The following SHISA9 variants were observed in gnomAD, a reference collection of about 807,000 sequenced individuals.
The protein encoded by SHISA9 is protein shisa-9.
In SHISA9, 13 loss-of-function variants were observed where a neutral mutation model predicts 38.0. The observed-to-expected ratio is 0.34, with a 90% CI of 0.22 to 0.54. The LOEUF (loss-of-function observed/expected upper bound fraction) is 0.54. Ranked by LOEUF, SHISA9 falls within the 20% of genes least tolerant of loss-of-function variation. The probability of loss-of-function intolerance (pLI) is 0.91; values close to 1 mark genes in which losing one functional copy is unlikely to be tolerated. For missense variants in SHISA9, 538 were observed against 575.8 expected (o/e 0.93, Z 0.67); for synonymous variants, 275 against 242.0 (o/e 1.14, Z -1.27).
the SHISA9 span, among the ~76,000 whole-genome samples, chr16:13,411,150 C>G: frequency 4.9e-4 from 75 of 152,228 alleles, no homozygotes; most frequent in Non-Finnish European, 8.1e-4. Context: ...AATCTCCTAA[C>G]TTGATGTGGC....
At chr16:13,194,994 T>C (rs1028753532) in intron 2 of SHISA9, among the ~76,000 whole-genome samples, 2 of 152,224 alleles carry the variant, frequency 1.3e-5, no homozygotes, top group Non-Finnish European at 2.9e-5. Context: ...GATGACTTCA[T>C]GCTTAGGTCA....
At chr16:13,266,918 G>T in the SHISA9 span, among the ~76,000 whole-genome samples, 6 of 152,202 alleles carry the variant, frequency 3.9e-5, no homozygotes, top group African/African-American at 1.4e-4. Context: ...TCTTGCATCA[G>T]ATTCAACACT....
At chr16:13,011,319 ATTTTTTT>A (rs55755155) in intron 2 of SHISA9, among the ~76,000 whole-genome samples, 3 of 127,706 alleles carry the variant, frequency 2.3e-5, no homozygotes, top group South Asian at 2.5e-4. Flanking sequence ...ATTAGCACTC[ATTTTTTT>A]TTTTTTTTTT....
At chr16:13,067,155 G>A (rs1382892118) in intron 2 of SHISA9, among the ~76,000 whole-genome samples, 1 of 152,192 alleles carries the variant, frequency 6.6e-6, no homozygotes, top group African/African-American at 2.4e-5. Context: ...GAGACAGAGT[G>A]CATGCTTGAC....
the SHISA9 span, among the ~76,000 whole-genome samples, chr16:13,455,985 G>A: frequency 3.3e-5 from 5 of 152,182 alleles, no homozygotes; most frequent in South Asian, 2.1e-4. Flanking sequence ...GAGATAAAAC[G>A]TGGCTACCTT....
the SHISA9 span, among the ~76,000 whole-genome samples, chr16:13,395,295 A>G: frequency 6.6e-6 from 1 of 152,220 alleles, no homozygotes; most frequent in Non-Finnish European, 1.5e-5. Flanking sequence ...GACTTGGACT[A>G]TACAGTGCTC....
the SHISA9 span, among the ~76,000 whole-genome samples, chr16:13,395,039 C>A: frequency 6.6e-6 from 1 of 151,732 alleles, no homozygotes; most frequent in African/African-American, 2.4e-5. Flanking sequence ...CTAGTGAAAT[C>A]CCAGAAGGGG....
the SHISA9 span, chr16:13,458,326 C>T: frequency 2.1e-5 from 6 of 289,886 alleles, no homozygotes; most frequent in African/African-American, 1.4e-4. Context: ...TGAGACTCCA[C>T]AGGATGAGTC....
At chr16:13,352,699 A>AGCGGGG in the SHISA9 span, among the ~76,000 whole-genome samples, 2 of 6,712 alleles carry the variant, frequency 3.0e-4, no homozygotes, top group African/African-American at 6.9e-4. Context: ...AAGGGAGATA[A>AGCGGGG]GGGGGGGGGG....
the SHISA9 span, among the ~76,000 whole-genome samples, chr16:13,386,350 C>G: frequency 6.6e-6 from 1 of 152,120 alleles, no homozygotes; most frequent in African/African-American, 2.4e-5. Context: ...TCCACCTCAC[C>G]CTGGAAGTGT....
the SHISA9 span, among the ~76,000 whole-genome samples, chr16:13,426,604 AG>A: frequency 1.3e-5 from 2 of 152,198 alleles, no homozygotes; most frequent in African/African-American, 4.8e-5. Flanking sequence ...GATCGTTCGA[AG>A]TAAATAAGTT....
At chr16:12,904,181 C>T (rs570918217) in intron 1 of SHISA9, among the ~76,000 whole-genome samples, 1 of 152,138 alleles carries the variant, frequency 6.6e-6, no homozygotes, top group African/African-American at 2.4e-5. Flanking sequence ...GTTAATTCCC[C>T]GGGTCTGTGT....
At chr16:12,911,279 A>T (rs911511244) in intron 1 of SHISA9, 1 of 985,372 alleles carries the variant, frequency 1.0e-6, no homozygotes, top group Non-Finnish European at 1.2e-6. Context: ...AAGCACTCAA[A>T]CTATGTGCCG....
intron 2 of SHISA9, among the ~76,000 whole-genome samples, chr16:12,980,128 C>T (rs557688687): frequency 6.6e-6 from 1 of 152,070 alleles, no homozygotes; most frequent in Non-Finnish European, 1.5e-5. Context: ...TTTTTATGAT[C>T]TTTTAAAAAT....
the SHISA9 span, among the ~76,000 whole-genome samples, chr16:13,329,132 A>G: frequency 1.3e-5 from 2 of 152,174 alleles, no homozygotes; most frequent in East Asian, 3.8e-4. Context: ...CCCCATTTGC[A>G]TAATAAGATT....
At chr16:13,403,596 A>C in the SHISA9 span, among the ~76,000 whole-genome samples, 4 of 152,234 alleles carry the variant, frequency 2.6e-5, no homozygotes, top group East Asian at 7.7e-4. Context: ...ATAGTAATTC[A>C]AAAGCAGCAC....
At chr16:12,936,142 T>G (rs997433634) in intron 2 of SHISA9, among the ~76,000 whole-genome samples, 13 of 152,124 alleles carry the variant, frequency 8.5e-5, no homozygotes, top group African/African-American at 3.1e-4. Flanking sequence ...GGTGCTTCGT[T>G]GGGTTCTTGG....
the SHISA9 span, among the ~76,000 whole-genome samples, chr16:13,480,378 C>G: frequency 2.4e-4 from 36 of 152,266 alleles, no homozygotes; most frequent in African/African-American, 8.4e-4. Context: ...CACTCCAGGC[C>G]TCGGTCACTC....
At chr16:13,333,733 G>C in the SHISA9 span, among the ~76,000 whole-genome samples, 1 of 152,158 alleles carries the variant, frequency 6.6e-6, no homozygotes, top group African/African-American at 2.4e-5. Context: ...TAAATATCTG[G>C]AACGTAAACT....
Sources: gnomAD v4.1 joint callset for allele counts (sites outside exome capture counted in the v4.1 genomes callset) on GRCh38, gnomAD v4.1.1 for gene constraint, MANE v1.5 for transcripts, NCBI Gene and HGNC (gene_info 2026-07-23, HGNC 2026-07-21) for gene names.